The following DCC variants were observed in gnomAD, a reference collection of about 807,000 sequenced individuals.
DCC encodes DCC netrin 1 receptor, also known as netrin receptor DCC.
DCC carries 58 observed loss-of-function variants against 172.5 expected under a neutral mutation model. The observed-to-expected ratio is 0.34, with a 90% CI of 0.27 to 0.42. The LOEUF (loss-of-function observed/expected upper bound fraction) is 0.42. Ranked by LOEUF, DCC falls within the 10% of genes least tolerant of loss-of-function variation. DCC has a pLI of 1.00. For synonymous variants in DCC, 709 were observed against 644.5 expected, an observed-to-expected ratio of 1.10 and a Z score of -1.52; for missense variants, 1,740 against 1,791.0, an observed-to-expected ratio of 0.97 and a Z score of 0.51.
chr18:53,337,763 C>T (rs929053102), intron 14 of DCC, among the ~76,000 whole-genome samples: 1 of 152,174 alleles, frequency 6.6e-6, no homozygotes, highest in Non-Finnish European at 1.5e-5. Flanking sequence ...TAAGAACATG[C>T]TTCTATCTAT....
In DCC at chr18:52,931,504, G is replaced by A. The variant is rs373379783; in HGVS notation, c.985+6134G>A. ...GAATGTGAACCTTCATGAACTAACAGACTTTTCAAGTAGAATATCATTTTA... is the reference window on the plus strand; with the variant it reads ...GAATGTGAACCTTCATGAACTAACAAACTTTTCAAGTAGAATATCATTTTA... On this transcript the variant is annotated intron_variant, in intron 5 of 28. Transcript: ENST00000442544. Among the ~76,000 whole-genome samples the A allele has an allele frequency of 1.4e-3, 211 of 152,144 alleles. 3 individuals are homozygous for A. In the South Asian group the frequency reaches 0.043, roughly 31 times the overall value.
rs143717582 is a variant in DCC, at chr18:53,050,458, G to T, written c.986-12847G>T. 3.9e-4 allele frequency among the ~76,000 whole-genome samples: 59 copies of T among 152,136 alleles called. 1 individual carries two copies. In the East Asian group the frequency reaches 0.01, roughly 27 times the overall value. On this transcript the variant is annotated intron_variant, in intron 5 of 28. Transcript: ENST00000442544. ...GTCATATTTAATTTCTTTCAGCAGC[G>T]ATTTGTAATTCTTGTTGTAGAGATC...
intron 1 of DCC, among the ~76,000 whole-genome samples, chr18:52,586,163 T>C (rs2033669746): frequency 6.6e-6 from 1 of 151,348 alleles, no homozygotes; most frequent in Non-Finnish European, 1.5e-5. Flanking sequence ...TAAATTCTTA[T>C]TGAATCAAAT....
At chr18:53,438,643 C>T (rs537554472) in intron 22 of DCC, among the ~76,000 whole-genome samples, 2 of 152,298 alleles carry the variant, frequency 1.3e-5, no homozygotes, top group South Asian at 2.1e-4. Context: ...TTGTTGTTGA[C>T]TATTTGAAGT....
intron 1 of DCC, among the ~76,000 whole-genome samples, chr18:52,417,823 T>A (rs1987096267): frequency 6.6e-6 from 1 of 152,218 alleles, no homozygotes; most frequent in South Asian, 2.1e-4. Flanking sequence ...TTGAATTTCC[T>A]CCTGTAGCTC....
intron 1 of DCC, among the ~76,000 whole-genome samples, chr18:52,608,590 A>G (rs888022051): frequency 6.6e-6 from 1 of 152,208 alleles, no homozygotes; most frequent in African/African-American, 2.4e-5. Flanking sequence ...CAGAGATTTG[A>G]TATTACTTGT....
At chr18:52,883,443 A>G (rs1480141864) in intron 2 of DCC, among the ~76,000 whole-genome samples, 1 of 142,974 alleles carries the variant, frequency 7.0e-6, no homozygotes, top group Admixed American at 7.0e-5. Flanking sequence ...CTAGTGATAT[A>G]TTTTCTTTCT....
intron 1 of DCC, among the ~76,000 whole-genome samples, chr18:52,538,151 A>G (rs565833722): frequency 1.1e-4 from 17 of 152,196 alleles, no homozygotes; most frequent in East Asian, 3.9e-4. Flanking sequence ...CTGTATCCCA[A>G]TCTTCCTCCG....
intron 1 of DCC, among the ~76,000 whole-genome samples, chr18:52,628,826 C>A (rs1275065563): frequency 1.3e-5 from 2 of 152,192 alleles, no homozygotes; most frequent in African/African-American, 4.8e-5. Flanking sequence ...AGTCACTTCA[C>A]CACATCACGT....
At chr18:52,918,097 A>C (rs1336770720) in intron 3 of DCC, among the ~76,000 whole-genome samples, 2 of 152,174 alleles carry the variant, frequency 1.3e-5, no homozygotes, top group African/African-American at 4.8e-5. Flanking sequence ...ATATAAGTAC[A>C]TGAAATATAT....
rs548554134 is a variant in DCC at position 52,415,249 on chromosome 18, C to T, written c.91+74371C>T. 3.3e-5 allele frequency among the ~76,000 whole-genome samples: 5 copies of T among 152,282 alleles called. No homozygotes were observed. The South Asian group carries it at 1.0e-3, about 32-fold the overall frequency. ...ATCTGGCATAAAAAGCATAAGGTAA[C>T]CTTGCTGTTACCAATTATAATACAT... On this transcript the variant is annotated intron_variant, in intron 1 of 28. Transcript: ENST00000442544.
At chr18:52,575,005 G>A (rs948935396) in intron 1 of DCC, among the ~76,000 whole-genome samples, 9 of 151,998 alleles carry the variant, frequency 5.9e-5, no homozygotes, top group African/African-American at 2.2e-4. Context: ...TCAGATTTTT[G>A]GTCACTGCAA....
At chr18:52,835,761 A>T (rs28703132) in intron 2 of DCC, among the ~76,000 whole-genome samples, 1 of 151,998 alleles carries the variant, frequency 6.6e-6, no homozygotes, top group Non-Finnish European at 1.5e-5. Context: ...AATGAAAATG[A>T]TTCAAAAGTA....
chr18:52,683,123 GA>G (rs968108572), intron 1 of DCC, among the ~76,000 whole-genome samples: 1 of 151,834 alleles, frequency 6.6e-6, no homozygotes, highest in Non-Finnish European at 1.5e-5. Flanking sequence ...TGCCATTTTT[GA>G]AAAAAATTCT....
intron 23 of DCC, among the ~76,000 whole-genome samples, chr18:53,451,571 C>A (rs1425170513): frequency 6.6e-6 from 1 of 152,120 alleles, no homozygotes; most frequent in Non-Finnish European, 1.5e-5. Context: ...TTCCATTGGC[C>A]TCAGGCATGA....
chr18:52,810,682 C>T (rs1188831380), intron 2 of DCC, among the ~76,000 whole-genome samples: 1 of 152,062 alleles, frequency 6.6e-6, no homozygotes. Context: ...AGATACCACT[C>T]AAAGGTGGGC....
At chr18:53,313,165 T>C (rs1450754738) in intron 13 of DCC, among the ~76,000 whole-genome samples, 1 of 151,852 alleles carries the variant, frequency 6.6e-6, no homozygotes, top group Non-Finnish European at 1.5e-5. Context: ...CCCCCAAAAA[T>C]TGCTTGGTGG....
intron 12 of DCC, among the ~76,000 whole-genome samples, chr18:53,218,092 T>C (rs2055880809): frequency 6.6e-6 from 1 of 152,090 alleles, no homozygotes; most frequent in Non-Finnish European, 1.5e-5. Context: ...CAAGCTATCC[T>C]CCCACCTTGG....
At chr18:52,659,859 C>T (rs1033113756) in intron 1 of DCC, among the ~76,000 whole-genome samples, 27 of 151,860 alleles carry the variant, frequency 1.8e-4, no homozygotes, top group African/African-American at 5.6e-4. Context: ...CAGGAGCAGA[C>T]GAGGGAATGC....
Sources: allele counts gnomAD v4.1 joint callset (sites outside exome capture counted in the v4.1 genomes callset), GRCh38; gene constraint gnomAD v4.1.1; transcripts MANE v1.5; gene names NCBI Gene and HGNC (gene_info 2026-07-23, HGNC 2026-07-21).